EIPR1: variants seen among roughly 807,000 people sequenced by gnomAD.
EIPR1 encodes the protein EARP complex and GARP complex interacting protein 1.
In EIPR1, 25 loss-of-function variants were observed where a neutral mutation model predicts 48.1. That is an observed-to-expected ratio of 0.52 (90% CI 0.38 to 0.73). The LOEUF (loss-of-function observed/expected upper bound fraction) is 0.73, where lower values mean the gene tolerates loss of function less well. Among genes scored for constraint, EIPR1 ranks in the 30% least tolerant of loss-of-function variants. The probability of loss-of-function intolerance (pLI) is 0.00; values close to 1 mark genes in which losing one functional copy is unlikely to be tolerated. For synonymous variants in EIPR1, 204 were observed against 201.9 expected (o/e 1.01, Z -0.09); for missense variants, 415 against 506.2 (o/e 0.82, Z 1.73).
At chr2:3,276,110 A>G (rs1319361335) in intron 3 of EIPR1, among the ~76,000 whole-genome samples, 2 of 152,240 alleles carry the variant, frequency 1.3e-5, no homozygotes, top group Non-Finnish European at 2.9e-5. Context: ...TCAATTTCAT[A>G]GGCATTGCTA....
Position 3,331,188 on chromosome 2 carries a change from T to TG in EIPR1, c.259+6828_259+6829insC, listed in dbSNP as rs1240824138. ...GTGAGCAGAGGCAGGTGTACACTCA[T>TG]ATGGTGTGAGCAGAGGCAGGTGTGT... On this transcript the variant is annotated intron_variant, in intron 3 of 8. Coordinates refer to ENST00000382125, the MANE Select transcript of EIPR1 (RefSeq NM_003310.5). Among the ~76,000 whole-genome samples, 9 of 80,112 alleles carry TG rather than the reference T, an allele frequency of 1.1e-4. 1 individual carries two copies. The highest frequency in any genetic ancestry group is 1.0e-3 in the Admixed American group (9 of 8,964). The allele number at this position is 80,112 out of a possible 152,430, so 52.6% of individuals were successfully genotyped here. A position where few individuals can be genotyped will look rare whatever the true frequency, so the allele number is the denominator to read the frequency against.
intron 2 of EIPR1, among the ~76,000 whole-genome samples, chr2:3,348,441 C>G (rs1257461557): frequency 3.3e-5 from 5 of 152,188 alleles, no homozygotes; most frequent in Non-Finnish European, 1.5e-5. Context: ...TTACAGGCCT[C>G]AGGTCGCGGT....
intron 3 of EIPR1, among the ~76,000 whole-genome samples, chr2:3,277,175 T>A (rs1262633685): frequency 6.6e-6 from 1 of 150,908 alleles, no homozygotes; most frequent in Admixed American, 6.6e-5. Context: ...TCCAGGAGCC[T>A]CTCCACCCAC....
chr2:3,293,432 C>G lies in EIPR1; in HGVS notation c.260-35977G>C, dbSNP rs371646346. The stretch of plus-strand genomic sequence containing the variant: ...ACCAATCAGATGTGGCCTGCTTTTT[C>G]TCTCATGGCAAAGCTGCATGCCCCA... On this transcript the variant is annotated intron_variant, in intron 3 of 8. Coordinates refer to ENST00000382125, the MANE Select transcript of EIPR1 (RefSeq NM_003310.5). Among the ~76,000 whole-genome samples, 26 of 152,342 alleles carry G rather than the reference C, an allele frequency of 1.7e-4. 1 individual carries two copies. In the East Asian group the frequency reaches 3.9e-3, roughly 23 times the overall value.
chr2:3,307,623 C>T (rs751235773), intron 3 of EIPR1, among the ~76,000 whole-genome samples: 3 of 152,218 alleles, frequency 2.0e-5, no homozygotes, highest in South Asian at 2.1e-4. Context: ...TCCCCACTCT[C>T]GCTCATGTGC....
At chr2:3,201,543 A>G (rs1178944489) in intron 5 of EIPR1, among the ~76,000 whole-genome samples, 1 of 152,210 alleles carries the variant, frequency 6.6e-6, no homozygotes, top group African/African-American at 2.4e-5. Context: ...GCGGGGGCAC[A>G]GGCACTGCAG....
intron 2 of EIPR1, among the ~76,000 whole-genome samples, chr2:3,347,029 T>A (rs990710772): frequency 1.3e-5 from 2 of 152,118 alleles, no homozygotes; most frequent in Non-Finnish European, 2.9e-5. Context: ...TATCTGGCCA[T>A]TGAAGCATGT....
intron 1 of EIPR1, among the ~76,000 whole-genome samples, chr2:3,358,367 A>G (rs1201875698): frequency 6.6e-6 from 1 of 152,208 alleles, no homozygotes; most frequent in African/African-American, 2.4e-5. Flanking sequence ...AATATTATCT[A>G]TGTTCCCAAC....
At chr2:3,276,679 G>A (rs1387562133) in intron 3 of EIPR1, among the ~76,000 whole-genome samples, 6 of 152,164 alleles carry the variant, frequency 3.9e-5, no homozygotes, top group African/African-American at 4.8e-5. Flanking sequence ...CTGCTCTTCC[G>A]CATCCCTAGA....
At chr2:3,250,700 C>T (rs1193512458) in intron 4 of EIPR1, among the ~76,000 whole-genome samples, 5 of 152,134 alleles carry the variant, frequency 3.3e-5, no homozygotes, top group African/African-American at 7.2e-5. Flanking sequence ...ACCACAGGGG[C>T]GGATCCCTCA....
chr2:3,226,648 C>T (rs969372054), intron 4 of EIPR1, among the ~76,000 whole-genome samples: 1 of 152,142 alleles, frequency 6.6e-6, no homozygotes, highest in African/African-American at 2.4e-5. Context: ...GCTTTTGCTG[C>T]CTGTGCTTTT....
chr2:3,201,568 G>A lies in EIPR1; in HGVS notation c.517-4551C>T, dbSNP rs530954059. Among the ~76,000 whole-genome samples the A allele has an allele frequency of 2.6e-5, 4 of 152,310 alleles. No individual in the cohort carries two copies. In the South Asian group the frequency reaches 8.3e-4, roughly 32 times the overall value. On this transcript the variant is annotated intron_variant, in intron 5 of 8. Transcript: ENST00000382125. ...AGGCACTGCAGGGAGGGAGAGCGTG[G>A]CTCCCACAGCAAGCTCCAAGGAACC... is the stretch of plus-strand genomic sequence containing the variant.
At chr2:3,288,541 C>A (rs1668275231) in intron 3 of EIPR1, among the ~76,000 whole-genome samples, 1 of 152,186 alleles carries the variant, frequency 6.6e-6, no homozygotes, top group Non-Finnish European at 1.5e-5. Context: ...GGAAGAAAAG[C>A]ACTTCTGAGG....
chr2:3,286,308 C>G lies in EIPR1; in HGVS notation c.260-28853G>C, dbSNP rs1197489761. On this transcript the variant is annotated intron_variant, in intron 3 of 8. Coordinates refer to ENST00000382125, the MANE Select transcript of EIPR1 (RefSeq NM_003310.5). The surrounding 1 kb of genome is among the most constrained non-coding windows in gnomAD (Gnocchi z 4.2). Reference sequence around the variant, plus strand: ...CGTCACCGTGCCTGCCTGTGTATGACGTGTACACACACTGCTCCTGTGTAA... The same window carrying G: ...CGTCACCGTGCCTGCCTGTGTATGAGGTGTACACACACTGCTCCTGTGTAA... 4.6e-5 allele frequency among the ~76,000 whole-genome samples: 7 copies of G among 152,224 alleles called. No homozygotes were observed. The highest frequency in any genetic ancestry group is 1.7e-4 in the African/African-American group (7 of 41,448).
At chr2:3,237,287 C>T (rs12464973) in intron 4 of EIPR1, among the ~76,000 whole-genome samples, 137,994 of 150,742 alleles carry the variant, frequency 0.92, 63,610 homozygotes, top group East Asian at 0.98. Context: ...ATATGGCAGT[C>T]CTGCCTTATC....
chr2:3,193,932 G>T, intron 7 of EIPR1, 67 bp downstream of exon 7: 1 of 1,561,056 alleles, frequency 6.4e-7, no homozygotes, highest in Non-Finnish European at 8.7e-7. Context: ...CTTTCCCAAT[G>T]GTAAAGTAAT....
chr2:3,309,658 A>G (rs1266098528), intron 3 of EIPR1, among the ~76,000 whole-genome samples: 1 of 152,140 alleles, frequency 6.6e-6, no homozygotes, highest in East Asian at 1.9e-4. Context: ...AAGGAAAAAC[A>G]GTGGGCGAGG....
chr2:3,199,107 T>G (rs1664922237), intron 5 of EIPR1, among the ~76,000 whole-genome samples: 1 of 130,232 alleles, frequency 7.7e-6, no homozygotes, highest in African/African-American at 2.8e-5. Context: ...GGCTGTTAAT[T>G]ATTAATATTC....
At chr2:3,377,099 A>T (rs1327145659) in intron 1 of EIPR1, among the ~76,000 whole-genome samples, 1 of 152,248 alleles carries the variant, frequency 6.6e-6, no homozygotes, top group Non-Finnish European at 1.5e-5. Flanking sequence ...AACTAGTGTG[A>T]AAACAGTTGA....
Sources: allele counts gnomAD v4.1 joint callset (sites outside exome capture counted in the v4.1 genomes callset), GRCh38; gene constraint gnomAD v4.1.1; non-coding constraint Gnocchi (gnomAD v3.1); transcripts MANE v1.5; gene names NCBI Gene and HGNC (gene_info 2026-07-23, HGNC 2026-07-21).